Variants in GNA12 observed in about 807,000 individuals in gnomAD.
GNA12 encodes the protein G protein subunit alpha 12, also known as guanine nucleotide-binding protein subunit alpha-12.
A neutral mutation model predicts 26.0 loss-of-function variants in GNA12; 9 were observed. That is an observed-to-expected ratio of 0.35 (90% CI 0.21 to 0.60). GNA12 has a LOEUF of 0.60. Ranked by LOEUF, GNA12 falls within the 20% of genes least tolerant of loss-of-function variation. The pLI, the probability that GNA12 is intolerant of heterozygous loss-of-function variation, is 0.78. For synonymous variants in GNA12, 264 were observed against 219.6 expected (o/e 1.20, Z -1.79); for missense variants, 405 against 525.8 (o/e 0.77, Z 2.25).
intron 2 of GNA12, among the ~76,000 whole-genome samples, chr7:2,783,486 G>A (rs1792280161): frequency 6.6e-6 from 1 of 151,666 alleles, no homozygotes; most frequent in African/African-American, 2.4e-5. Context: ...TCATTACACG[G>A]CAGTCTCCTA....
intron 1 of GNA12, among the ~76,000 whole-genome samples, chr7:2,827,174 C>A (rs1793502998): frequency 6.6e-6 from 1 of 152,142 alleles, no homozygotes; most frequent in African/African-American, 2.4e-5. Context: ...ATGAAATATT[C>A]AGAATAGGTA....
chr7:2,814,747 A>T (rs1447302821), intron 1 of GNA12: 7 of 820,566 alleles, frequency 8.5e-6, no homozygotes, highest in Non-Finnish European at 1.3e-5. Flanking sequence ...CTTCCACAGA[A>T]GTTTATCAGC....
chr7:2,821,711 C>T (rs753315244), intron 1 of GNA12, among the ~76,000 whole-genome samples: 1 of 152,210 alleles, frequency 6.6e-6, no homozygotes, highest in Non-Finnish European at 1.5e-5. Flanking sequence ...TAAGCTCTTT[C>T]CCTTCCTGTG....
At chr7:2,733,083 C>T (rs368235373) in intron 3 of GNA12, among the ~76,000 whole-genome samples, 13 of 152,242 alleles carry the variant, frequency 8.5e-5, no homozygotes, top group African/African-American at 2.4e-4. Context: ...TCCCGGAGGC[C>T]GGGGGAGGGC....
intron 1 of GNA12, chr7:2,815,186 C>T (rs538262991): frequency 5.2e-4 from 236 of 454,422 alleles, no homozygotes; most frequent in African/African-American, 3.8e-3. Flanking sequence ...GAGGTGCCTG[C>T]GGTCCGGCAC....
intron 1 of GNA12, among the ~76,000 whole-genome samples, chr7:2,804,696 G>T (rs1481670410): frequency 6.6e-6 from 1 of 152,068 alleles, no homozygotes; most frequent in Non-Finnish European, 1.5e-5. Flanking sequence ...CATTCGTTGG[G>T]GCCATCTTGG....
chr7:2,806,482 AAAG>A (rs1792952934), intron 1 of GNA12, among the ~76,000 whole-genome samples: 1 of 151,412 alleles, frequency 6.6e-6, no homozygotes, highest in South Asian at 2.1e-4. Flanking sequence ...AAAAAAAGAA[AAAG>A]AAAAAAGAAG....
chr7:2,766,387 C>CTT (rs71026553), intron 2 of GNA12, among the ~76,000 whole-genome samples: 5 of 132,070 alleles, frequency 3.8e-5, no homozygotes, highest in Admixed American at 2.3e-4. Flanking sequence ...TTGCTTCCGC[C>CTT]TTTTTTTTTT....
chr7:2,814,050 G>A (rs1455444449), intron 1 of GNA12, among the ~76,000 whole-genome samples: 1 of 152,108 alleles, frequency 6.6e-6, no homozygotes, highest in African/African-American at 2.4e-5. Context: ...CTTGCCCTGG[G>A]ACTGGATGTC....
intron 2 of GNA12, among the ~76,000 whole-genome samples, chr7:2,756,274 G>C (rs1488527421): frequency 6.6e-6 from 1 of 152,016 alleles, no homozygotes; most frequent in Non-Finnish European, 1.5e-5. Context: ...CTCATTTGGA[G>C]GATCAGAAAA....
chr7:2,786,563 G>C (rs1426168781), intron 2 of GNA12, among the ~76,000 whole-genome samples: 1 of 152,216 alleles, frequency 6.6e-6, no homozygotes, highest in African/African-American at 2.4e-5. Context: ...ATCTCTGTCT[G>C]TCTGTCTATC....
chr7:2,746,321 G>C (rs1001533692), intron 2 of GNA12, among the ~76,000 whole-genome samples: 1 of 152,106 alleles, frequency 6.6e-6, no homozygotes, highest in Non-Finnish European at 1.5e-5. Flanking sequence ...ATAACAAACT[G>C]TCTCTCAGAC....
intron 2 of GNA12, among the ~76,000 whole-genome samples, chr7:2,760,869 T>C (rs1392581160): frequency 6.6e-6 from 1 of 152,196 alleles, no homozygotes; most frequent in Non-Finnish European, 1.5e-5. Flanking sequence ...GAACAGAAGT[T>C]GTCACATCCT....
chr7:2,742,549 G>A lies in GNA12; in HGVS notation c.526-9048C>T, dbSNP rs557265927. 1.8e-4 allele frequency among the ~76,000 whole-genome samples: 27 copies of A among 152,280 alleles called. No individual in the cohort carries two copies. In the South Asian group the frequency reaches 5.2e-3, roughly 29 times the overall value. On this transcript the variant is annotated intron_variant, in intron 2 of 3. Coordinates refer to ENST00000275364, the MANE Select transcript of GNA12 (RefSeq NM_007353.3). Reference sequence around the variant, plus strand: ...TTTCCAGGGGCTGTAATTCATCTCTGTCCTCGCTTACTTTGGTGCTCAAAG... The same window carrying A: ...TTTCCAGGGGCTGTAATTCATCTCTATCCTCGCTTACTTTGGTGCTCAAAG...
chr7:2,814,516 G>A, intron 1 of GNA12: 1 of 705,964 alleles, frequency 1.4e-6, no homozygotes, highest in Non-Finnish European at 2.5e-6. Flanking sequence ...AGACTTTGAG[G>A]AAATTTCTTC....
intron 1 of GNA12, among the ~76,000 whole-genome samples, chr7:2,806,554 A>C (rs1431098286): frequency 6.6e-6 from 1 of 152,026 alleles, no homozygotes; most frequent in African/African-American, 2.4e-5. Context: ...AATAGAGGAA[A>C]TATAGAAATA....
At chr7:2,815,176 G>A (rs1043976285) in intron 1 of GNA12, 108 of 516,972 alleles carry the variant, frequency 2.1e-4, no homozygotes, top group African/African-American at 1.3e-3. Flanking sequence ...GAACATCGGC[G>A]AGGTGCCTGC....
At chr7:2,835,575 C>A (rs1778814836) in intron 1 of GNA12, 3 of 544,916 alleles carry the variant, frequency 5.5e-6, no homozygotes, top group African/African-American at 1.9e-5. Flanking sequence ...CAAGAGCGCG[C>A]TTGGGGGCAA....
At chr7:2,828,218 C>A (rs1214040572) in intron 1 of GNA12, among the ~76,000 whole-genome samples, 1 of 152,192 alleles carries the variant, frequency 6.6e-6, no homozygotes. Flanking sequence ...TTCCTGAAAA[C>A]TGCAGAGGAA....
Sources: gnomAD v4.1 joint callset for allele counts (sites outside exome capture counted in the v4.1 genomes callset) on GRCh38, gnomAD v4.1.1 for gene constraint, MANE v1.5 for transcripts, NCBI Gene and HGNC (gene_info 2026-07-23, HGNC 2026-07-21) for gene names.